The following VPS41 variants were observed in gnomAD, a reference collection of about 807,000 sequenced individuals.
The protein encoded by VPS41 is vacuolar protein sorting-associated protein 41 homolog.
In VPS41, 85 loss-of-function variants were observed where a neutral mutation model predicts 130.9. The observed-to-expected ratio is 0.65, with a 90% CI of 0.55 to 0.78. The LOEUF is 0.78. Ranked by LOEUF, VPS41 falls within the 30% of genes least tolerant of loss-of-function variation. The probability of loss-of-function intolerance (pLI) is 0.00; values close to 1 mark genes in which losing one functional copy is unlikely to be tolerated. For synonymous variants in VPS41, 335 were observed against 332.9 expected (o/e 1.01, Z -0.07); for missense variants, 874 against 1,018.7 (o/e 0.86, Z 1.93).
At chr7:38,730,722 G>T (rs1014494524) in intron 25 of VPS41, among the ~76,000 whole-genome samples, 1 of 152,132 alleles carries the variant, frequency 6.6e-6, no homozygotes, top group South Asian at 2.1e-4. Context: ...ATATAAAGCT[G>T]CTTAGCCTCC....
At chr7:38,764,869 A>G (rs1463061770) in intron 16 of VPS41, among the ~76,000 whole-genome samples, 1 of 152,166 alleles carries the variant, frequency 6.6e-6, no homozygotes, top group Non-Finnish European at 1.5e-5. Flanking sequence ...GGTCCAAGTT[A>G]CACAGCCATT....
chr7:38,860,516 A>G (rs1249121980), intron 4 of VPS41, among the ~76,000 whole-genome samples: 3 of 152,130 alleles, frequency 2.0e-5, no homozygotes, highest in Admixed American at 2.0e-4. Context: ...TATAGAAGTT[A>G]TCAAACAACA....
At chr7:38,730,937 G>A (rs780406469) in intron 25 of VPS41, among the ~76,000 whole-genome samples, 6 of 152,136 alleles carry the variant, frequency 3.9e-5, no homozygotes, top group Non-Finnish European at 8.8e-5. Context: ...AACCAGGAAG[G>A]AGCCATATCC....
Position 38,847,279 on chromosome 7 carries a change from T to C in VPS41, c.246+15266A>G, listed in dbSNP as rs1353604077. On this transcript the variant is annotated intron_variant, in intron 4 of 28. Transcript: ENST00000310301. The stretch of plus-strand genomic sequence containing the variant: ...AGAAATAAACACTGATGTTTTAGTA[T>C]CCAAATGGGTTTGGTAAAAAAAAAA... Among the ~76,000 whole-genome samples the C allele has an allele frequency of 2.8e-5, 4 of 144,518 alleles. No homozygotes were observed. In the East Asian group the frequency reaches 9.1e-4, roughly 33 times the overall value. The allele number at this position is 144,518 out of a possible 152,430, so 94.8% of individuals were successfully genotyped here.
intron 7 of VPS41, among the ~76,000 whole-genome samples, chr7:38,807,466 AGT>A (rs763899913): frequency 3.3e-5 from 5 of 152,208 alleles, no homozygotes; most frequent in Non-Finnish European, 7.3e-5. Context: ...TTTACCCCAT[AGT>A]GTTGTATGTG....
intron 1 of VPS41, among the ~76,000 whole-genome samples, chr7:38,900,336 A>G (rs1360436117): frequency 6.6e-6 from 1 of 152,232 alleles, no homozygotes; most frequent in Non-Finnish European, 1.5e-5. Context: ...GTTCTTACTT[A>G]TAAGTAGAAG....
chr7:38,765,506 ATTATC>A, intron 16 of VPS41, 69 bp downstream of exon 16: 2 of 1,024,298 alleles, frequency 2.0e-6, no homozygotes, highest in Admixed American at 5.0e-5. Flanking sequence ...GCTGAGTACT[ATTATC>A]TTTGTTTCCA....
At chr7:38,889,812 CAT>C (rs1392648523) in intron 2 of VPS41, among the ~76,000 whole-genome samples, 1 of 152,106 alleles carries the variant, frequency 6.6e-6, no homozygotes, top group African/African-American at 2.4e-5. Context: ...TTATTCTTTT[CAT>C]GAGTTTCTTA....
intron 2 of VPS41, among the ~76,000 whole-genome samples, chr7:38,876,999 T>C (rs1786506212): frequency 6.6e-6 from 1 of 152,204 alleles, no homozygotes. Flanking sequence ...TCACCAATCT[T>C]CAAGCTATGC....
At chr7:38,739,041 C>T (rs988026431) in intron 25 of VPS41, among the ~76,000 whole-genome samples, 1 of 152,222 alleles carries the variant, frequency 6.6e-6, no homozygotes, top group African/African-American at 2.4e-5. Flanking sequence ...CAATTAACAA[C>T]TGGCTAATGA....
chr7:38,860,697 TTGTGTGTGTGTGTGTGTGTG>T (rs59007809), intron 4 of VPS41, among the ~76,000 whole-genome samples: 8 of 143,396 alleles, frequency 5.6e-5, no homozygotes, highest in African/African-American at 1.6e-4. Flanking sequence ...AACAATCTGT[TTGTGTGTGTGTGTGTGTGTG>T]TGTGTGTGTG....
At chr7:38,797,060 TGTTTAAA>T in intron 7 of VPS41, 196 bp from the exon 8 acceptor site, 3 of 604,234 alleles carry the variant, frequency 5.0e-6, no homozygotes, top group Non-Finnish European at 8.2e-6. Flanking sequence ...CCCAGGAAGT[TGTTTAAA>T]ATGGATGAGT....
Position 38,772,762 on chromosome 7 carries a change from T to C in VPS41, c.1013-125A>G, listed in dbSNP as rs2115848289. On this transcript the variant is annotated intron_variant, in intron 12 of 28. Coordinates refer to ENST00000310301, the MANE Select transcript of VPS41 (RefSeq NM_014396.4). Reference sequence around the variant, plus strand: ...ACAGAAAATGTGTCTATCTTTGTTGTGTGTTTGGCTCTGCTGGAAGGTAAG... The same window carrying C: ...ACAGAAAATGTGTCTATCTTTGTTGCGTGTTTGGCTCTGCTGGAAGGTAAG... The C allele has an allele frequency of 1.2e-5, 7 of 583,194 alleles. No individual in the cohort carries two copies. The East Asian group carries it at 2.1e-4, about 17-fold the overall frequency. The allele number at this position is 583,194 out of a possible 1,614,324, so 36.1% of individuals were successfully genotyped here. A position where few individuals can be genotyped will look rare whatever the true frequency, so the allele number is the denominator to read the frequency against.
intron 6 of VPS41, 108 bp downstream of exon 6, chr7:38,821,095 C>T (rs754461625): frequency 3.6e-4 from 283 of 792,258 alleles, no homozygotes; most frequent in Non-Finnish European, 5.6e-4. Context: ...GTTGAACAGA[C>T]ACTTACTGAC....
chr7:38,794,489 C>T (rs1425733807), intron 9 of VPS41, among the ~76,000 whole-genome samples: 1 of 152,174 alleles, frequency 6.6e-6, no homozygotes, highest in African/African-American at 2.4e-5. Flanking sequence ...CATGACATTG[C>T]TAGAACTTTA....
chr7:38,732,785 A>G (rs1196359163), intron 25 of VPS41, among the ~76,000 whole-genome samples: 1 of 152,234 alleles, frequency 6.6e-6, no homozygotes, highest in East Asian at 1.9e-4. Context: ...ATTATCTGGA[A>G]AAGTAAATGT....
At chr7:38,831,671 A>G (rs1164270447) in intron 4 of VPS41, among the ~76,000 whole-genome samples, 3 of 152,230 alleles carry the variant, frequency 2.0e-5, no homozygotes, top group African/African-American at 7.2e-5. Context: ...ACATTATATC[A>G]TTTGCAAAGA....
At chr7:38,767,144 G>A (rs988545598) in intron 15 of VPS41, among the ~76,000 whole-genome samples, 7 of 152,106 alleles carry the variant, frequency 4.6e-5, no homozygotes, top group African/African-American at 1.7e-4. Context: ...TACCTTGGCT[G>A]GTACTATTGC....
At chr7:38,792,911 A>C (rs1784559926) in intron 9 of VPS41, among the ~76,000 whole-genome samples, 1 of 151,926 alleles carries the variant, frequency 6.6e-6, no homozygotes, top group African/African-American at 2.4e-5. Flanking sequence ...AAGCACACCA[A>C]TCACACTCCT....
Sources: allele counts gnomAD v4.1 joint callset (sites outside exome capture counted in the v4.1 genomes callset), GRCh38; gene constraint gnomAD v4.1.1; transcripts MANE v1.5; gene names NCBI Gene and HGNC (gene_info 2026-07-23, HGNC 2026-07-21).